The following PRR14L variants were observed in gnomAD, a reference collection of about 807,000 sequenced individuals.
The protein encoded by PRR14L is proline rich 14 like, also known as protein PRR14L.
In PRR14L, 80 loss-of-function variants were observed where a neutral mutation model predicts 155.0. That is an observed-to-expected ratio of 0.52 (90% CI 0.43 to 0.62). PRR14L has a LOEUF of 0.62. Ranked by LOEUF, PRR14L falls within the 20% of genes least tolerant of loss-of-function variation. The pLI is 0.00. For missense variants in PRR14L, 2,469 were observed against 2,548.0 expected (o/e 0.97, Z 0.67); for synonymous variants, 883 against 916.0 (o/e 0.96, Z 0.65).
Position 31,712,495 on chromosome 22 carries a change from T to C in PRR14L, c.5344A>G (p.Thr1782Ala), listed in dbSNP as rs200173530. 6.0e-4 allele frequency: 933 copies of C among 1,551,964 alleles called. No homozygotes were observed. The highest frequency in any genetic ancestry group is 6.1e-4 in the Non-Finnish European group (699 of 1,147,114). The stretch of plus-strand genomic sequence containing the variant: ...GTGTGGGTCTGACTATGGACGCCAG[T>C]GTCTTCCCTGAATGTTGCCATCCCA... ...CPGMATFRED[T>A]GVHSQTHTQA... is the part of the protein sequence containing the mutation. Residue 1782 changes from threonine (T) to alanine (A), a missense_variant, in exon 4 of 9, where the codon ACT becomes GCT. This residue lies in a region of PRR14L where 2,363 missense variants were observed against 2,371.6 expected (regional missense o/e 1.00). Transcript: ENST00000327423.
intron 1 of PRR14L, among the ~76,000 whole-genome samples, chr22:31,747,498 G>A (rs1032993689): frequency 6.7e-6 from 1 of 149,546 alleles, no homozygotes; most frequent in Admixed American, 6.8e-5. Flanking sequence ...GCAGAGTCTT[G>A]AGTGTGTTAA....
chr22:31,689,085 TTA>T (rs1325280032), intron 7 of PRR14L, among the ~76,000 whole-genome samples: 1 of 152,240 alleles, frequency 6.6e-6, no homozygotes, highest in Non-Finnish European at 1.5e-5. Context: ...TTTAAATTTT[TTA>T]AAGTATCATT....
rs1216204912 is a variant in PRR14L, at chr22:31,713,202, C to T, written c.4637G>A (p.Ser1546Asn). Reference protein sequence around the residue: ...IVGRKIGKIRSSAFLKSSSNP... With the variant: ...IVGRKIGKIRNSAFLKSSSNP... ...GGAAGAACTCTTTAAAAAGGCAGAA[C>T]TTCTGATTTTACCTATTTTTCTCCC... Residue 1546 changes from serine to asparagine, a missense_variant, in exon 4 of 9, where the codon AGT becomes AAT. Physicochemically the swap from Ser to Asn is conservative, Grantham distance 46 (BLOSUM62 1). This residue lies in a region of PRR14L where 2,363 missense variants were observed against 2,371.6 expected (regional missense o/e 1.00). Coordinates refer to ENST00000327423, the MANE Select transcript of PRR14L (RefSeq NM_173566.3). 1 of 1,551,834 alleles carries T rather than the reference C, an allele frequency of 6.4e-7. No homozygotes were observed. The highest frequency in any genetic ancestry group is 8.7e-7 in the Non-Finnish European group (1 of 1,147,022).
chr22:31,736,176 G>A (rs1193924802), intron 2 of PRR14L, among the ~76,000 whole-genome samples: 8 of 146,136 alleles, frequency 5.5e-5, no homozygotes, highest in Non-Finnish European at 6.0e-5. Context: ...CTGAGATTGC[G>A]CCACTGCACT....
Position 31,715,818 on chromosome 22 carries a change from A to T in PRR14L, c.2021T>A (p.Leu674Ter). The change falls in exon 4 of 9, where the codon TTA becomes TAA. Residue 674 changes from leucine to a stop codon, truncating the protein, a stop_gained. Coordinates refer to ENST00000327423, the MANE Select transcript of PRR14L (RefSeq NM_173566.3). LOFTEE classifies it high-confidence loss of function. The part of the protein sequence containing the change: ...ANLPTDSLLH[L>*]NKEMPLATGR... ...TGTTGCTAAAGGCATCTCTTTGTTT[A>T]AATGCAGTAGAGAGTCAGTTGGCAA... 6.4e-7 allele frequency: 1 copy of T among 1,551,714 alleles called. No homozygotes were observed. The highest frequency in any genetic ancestry group is 8.7e-7 in the Non-Finnish European group (1 of 1,146,968).
In PRR14L at chr22:31,685,012, AAAGAT is replaced by A. The variant is rs1382643703; in HGVS notation, c.*510_*514del. ...CACATCAATAGGTCCTGGGCAGACA[AAAGAT>A]AAGAAAACACAACAGCTCATCTTTC... On this transcript the variant is annotated 3_prime_UTR_variant, in exon 9 of 9. Transcript: ENST00000327423. 6.3e-6 allele frequency: 1 copy of A among 158,418 alleles called. No homozygotes were observed. The highest frequency in any genetic ancestry group is 2.4e-5 in the African/African-American group (1 of 41,460). 9.8% of individuals were successfully genotyped at this position (158,418 alleles called of 1,614,324 possible).
chr22:31,719,491 A>T (rs1236125980), intron 3 of PRR14L, among the ~76,000 whole-genome samples: 1 of 152,188 alleles, frequency 6.6e-6, no homozygotes, highest in Admixed American at 6.5e-5. Context: ...GAGGGTAAGG[A>T]TCTTGTTTTG....
chr22:31,719,468 A>G (rs1274438006), intron 3 of PRR14L, among the ~76,000 whole-genome samples: 1 of 152,166 alleles, frequency 6.6e-6, no homozygotes, highest in Non-Finnish European at 1.5e-5. Context: ...TCTTACTAGA[A>G]TGTAAACTCT....
intron 7 of PRR14L, among the ~76,000 whole-genome samples, chr22:31,696,146 ATTT>A (rs759157984): frequency 8.0e-5 from 11 of 137,018 alleles, no homozygotes; most frequent in African/African-American, 1.3e-4. Context: ...TATTATTATA[ATTT>A]TTTTTTTTTT....
At position 31,712,342 on chromosome 22, in the gene PRR14L, G is replaced by A. The variant is rs1221605300; in HGVS notation, c.5497C>T (p.Arg1833Ter). 2.5e-6 allele frequency: 4 copies of A among 1,613,992 alleles called. No individual in the cohort carries two copies. The highest frequency in any genetic ancestry group is 2.5e-6 in the Non-Finnish European group (3 of 1,179,968). The change falls in exon 4 of 9, where the codon CGA becomes TGA. Residue 1833 changes from arginine to a stop codon, truncating the protein, a stop_gained. Transcript: ENST00000327423. LOFTEE classifies it high-confidence loss of function. Reference sequence around the variant, plus strand: ...AAGCTCCGTTTTTTTGTCCAGATTCGGTAACATCCTGGGGAACAAAGTGCT... The same window carrying A: ...AAGCTCCGTTTTTTTGTCCAGATTCAGTAACATCCTGGGGAACAAAGTGCT... ...LLALCSPGCY[R>*]IWTKKRSFSS... is the part of the protein sequence containing the mutation.
intron 1 of PRR14L, among the ~76,000 whole-genome samples, chr22:31,741,386 T>C (rs761321991): frequency 2.6e-5 from 4 of 151,142 alleles, no homozygotes; most frequent in Non-Finnish European, 5.9e-5. Flanking sequence ...CGCTTGAACC[T>C]GGGAGGCAGA....
chr22:31,718,277 A>G (rs1326797939), intron 3 of PRR14L, among the ~76,000 whole-genome samples: 1 of 129,376 alleles, frequency 7.7e-6, no homozygotes, highest in Non-Finnish European at 1.6e-5. Context: ...TTGTTTTGAG[A>G]CAGAGTCTTG....
At position 31,682,160 on chromosome 22, in the gene PRR14L, A is replaced by C. The variant is rs891136276; in HGVS notation, c.*3367T>G. 2.0e-5 allele frequency: 3 copies of C among 152,232 alleles called. No individual in the cohort carries two copies. Among genetic ancestry groups the C allele is most frequent in the African/African-American group, 7.2e-5 (3 of 41,442 alleles). 9.4% of individuals were successfully genotyped at this position (152,232 alleles called of 1,614,324 possible). A position where few individuals can be genotyped will look rare whatever the true frequency, so the allele number is the denominator to read the frequency against. On this transcript the variant is annotated 3_prime_UTR_variant, in exon 9 of 9. Coordinates refer to ENST00000327423, the MANE Select transcript of PRR14L (RefSeq NM_173566.3). ...CTTGGATCTGCTGCTCCCGTCCTGT[A>C]CGCTCCCTGCTGCTCTTGGCTCAGT...
Position 31,750,090 on chromosome 22 carries a change from C to G in PRR14L, c.-149G>C, listed in dbSNP as rs1241702108. 6.6e-6 allele frequency: 1 copy of G among 152,560 alleles called. No individual in the cohort carries two copies. The highest frequency in any genetic ancestry group is 1.5e-5 in the Non-Finnish European group (1 of 68,318). 9.5% of individuals were successfully genotyped at this position (152,560 alleles called of 1,614,324 possible). A position where few individuals can be genotyped will look rare whatever the true frequency, so the allele number is the denominator to read the frequency against. The stretch of plus-strand genomic sequence containing the variant: ...GGTCTACCTGAGCCTACGGAGCCGA[C>G]AGAGGCCGGGGGCGCTCCGGCCGCC... On this transcript the variant is annotated 5_prime_UTR_variant, in exon 1 of 9. Transcript: ENST00000327423.
chr22:31,741,534 G>C (rs1462272696), intron 1 of PRR14L, among the ~76,000 whole-genome samples: 1 of 152,160 alleles, frequency 6.6e-6, no homozygotes, highest in African/African-American at 2.4e-5. Context: ...TACAGGGGAA[G>C]AGCGAGAATC....
Position 31,703,620 on chromosome 22 carries a change from C to A in PRR14L, c.5930G>T (p.Gly1977Val). ...TTTCACACCATCCAGCTCATCCAAT[C>A]CACGAACCTGGAACTCAGAGGCTGA... ...LLSASEFQVR[G>V]LDELDGVKAA... Residue 1977 changes from glycine to valine, a missense_variant, in exon 6 of 9, where the codon GGA becomes GTA. By Grantham distance (109) the Gly-to-Val change is moderately radical. Transcript: ENST00000327423. 6.2e-7 allele frequency: 1 copy of A among 1,613,884 alleles called. No individual in the cohort carries two copies. Among genetic ancestry groups the A allele is most frequent in the Non-Finnish European group, 8.5e-7 (1 of 1,179,902 alleles).
chr22:31,717,971 A>G (rs978390418), intron 3 of PRR14L, among the ~76,000 whole-genome samples: 2 of 141,840 alleles, frequency 1.4e-5, no homozygotes, highest in African/African-American at 2.7e-5. Flanking sequence ...CTTGTCGCCC[A>G]GGCTGGAGTG....
In PRR14L at chr22:31,715,729, T is replaced by G; in HGVS notation, c.2110A>C (p.Ile704Leu). 3 of 1,552,284 alleles carry G rather than the reference T, an allele frequency of 1.9e-6. No homozygotes were observed. The highest frequency in any genetic ancestry group is 2.6e-6 in the Non-Finnish European group (3 of 1,147,078). The stretch of plus-strand genomic sequence containing the variant: ...TTTGTCTGAATGGGAATGGTTTGTA[T>G]ATCAGCAATGACATCTGCTCTACCC... Reference protein sequence around the residue: ...LEGRADVIADIQTIPIQTKIK... With the variant: ...LEGRADVIADLQTIPIQTKIK... Residue 704 changes from isoleucine (I) to leucine (L), a missense_variant, in exon 4 of 9, where the codon ATA becomes CTA. By Grantham distance (5) the Ile-to-Leu change is conservative. Around this residue, in one of 2 missense-constraint regions of PRR14L, gnomAD observed 2,363 missense variants for 2,371.6 expected, o/e 1.00. Coordinates refer to ENST00000327423, the MANE Select transcript of PRR14L (RefSeq NM_173566.3).
chr22:31,714,158 T>C lies in PRR14L; in HGVS notation c.3681A>G (p.Glu1227=). 6.4e-7 allele frequency: 1 copy of C among 1,551,638 alleles called. No individual in the cohort carries two copies. The change falls in exon 4 of 9, where the codon GAA becomes GAG. Residue 1227 remains glutamate, a synonymous_variant. Transcript: ENST00000327423. ...SSKESMSCHD[E]SSVSLRSLKS... is the part of the protein sequence containing the mutation. The stretch of plus-strand genomic sequence containing the variant: ...TCAGGCTTCTTAGGGAAACAGAGCT[T>C]TCATCATGGCAAGACATCGACTCTT...
Sources: allele counts gnomAD v4.1 joint callset (sites outside exome capture counted in the v4.1 genomes callset), GRCh38; gene constraint gnomAD v4.1.1; regional missense constraint gnomAD v4.1.1; transcripts MANE v1.5; gene names NCBI Gene and HGNC (gene_info 2026-07-23, HGNC 2026-07-21).